Variants in OTOA observed in about 807,000 individuals in gnomAD.
OTOA encodes cancer/testis antigen 108.
In OTOA, 70 loss-of-function variants were observed where a neutral mutation model predicts 110.8. That is an observed-to-expected ratio of 0.63 (90% CI 0.52 to 0.77). OTOA has a LOEUF of 0.77. OTOA is among the 30% of genes least tolerant of loss of function. OTOA has a pLI of 0.00. For missense variants in OTOA, 917 were observed against 1,075.8 expected, an observed-to-expected ratio of 0.85 and a Z score of 2.06; for synonymous variants, 373 against 431.5, an observed-to-expected ratio of 0.86 and a Z score of 1.68.
At position 21,716,840 on chromosome 16, in the gene OTOA, C is replaced by T. The variant is rs148128916; in HGVS notation, c.1489-67C>T. 1.5e-5 allele frequency: 24 copies of T among 1,591,404 alleles called. No homozygotes were observed. The African/African-American group carries it at 1.9e-4, about 12-fold the overall frequency. On this transcript the variant is annotated intron_variant, in intron 14 of 28. Transcript: ENST00000646100. ...GGATTTTATTGCCTGTGATGTAGTG[C>T]CTGGCCCTTCCTCAAAGCTCAATGC...
At chr16:21,700,703 C>T (rs8050869) in intron 10 of OTOA, among the ~76,000 whole-genome samples, 185 bp from the exon 11 acceptor site, 6 of 131,028 alleles carry the variant, frequency 4.6e-5, no homozygotes, top group African/African-American at 5.9e-5. Context: ...CCAGCCTGGG[C>T]GACAGAGTGA....
At position 21,683,099 on chromosome 16, in the gene OTOA, G is replaced by T. The variant is rs141603664; in HGVS notation, c.267+1274G>T. ...TTTAATATCTACTGAGTTAACATCT[G>T]CTTTCTGCCAGGCATAGCTCTAGAC... On this transcript the variant is annotated intron_variant, in intron 6 of 28. Transcript: ENST00000646100. Among the ~76,000 whole-genome samples, 7 of 152,248 alleles carry T rather than the reference G, an allele frequency of 4.6e-5. No individual in the cohort carries two copies. The South Asian group carries it at 1.2e-3, about 27-fold the overall frequency.
rs141242505 is a variant in OTOA, at chr16:21,736,380, C to T, written c.2421C>T (p.Asp807=). 4 of 1,614,044 alleles carry T rather than the reference C, an allele frequency of 2.5e-6. No individual in the cohort carries two copies. Among genetic ancestry groups the T allele is most frequent in the East Asian group, 4.5e-5 (2 of 44,898 alleles). Residue 807 remains aspartate (D), a synonymous_variant, in exon 22 of 29, where the codon GAC becomes GAT. Transcript: ENST00000646100. ...GCAGTGATAAGATCCCCAGCTATGACCCTATGCCTGGTGAGTGTTTTCAGG... is the reference window on the plus strand; with the variant it reads ...GCAGTGATAAGATCCCCAGCTATGATCCTATGCCTGGTGAGTGTTTTCAGG... The part of the protein sequence containing the change: ...RNSSDKIPSY[D]PMPGCHGVVA...
intron 24 of OTOA, among the ~76,000 whole-genome samples, chr16:21,751,517 C>T (rs1018866521): frequency 8.1e-5 from 7 of 86,446 alleles, no homozygotes; most frequent in African/African-American, 2.0e-4. Flanking sequence ...AAGACTCCGT[C>T]TCCAAAAAAC....
chr16:21,728,962 C>T (rs577368874), intron 20 of OTOA, among the ~76,000 whole-genome samples: 1 of 152,194 alleles, frequency 6.6e-6, no homozygotes, highest in South Asian at 2.1e-4. Flanking sequence ...TCTTACACAG[C>T]TTGGCATATG....
At chr16:21,669,347 C>G (rs1263592723) in intron 1 of OTOA, among the ~76,000 whole-genome samples, 1 of 151,598 alleles carries the variant, frequency 6.6e-6, no homozygotes, top group Non-Finnish European at 1.5e-5. Flanking sequence ...TGTCCCCCAC[C>G]CCAAAAAAAC....
At chr16:21,672,974 C>G (rs1966851331) in intron 1 of OTOA, among the ~76,000 whole-genome samples, 1 of 152,028 alleles carries the variant, frequency 6.6e-6, no homozygotes, top group African/African-American at 2.4e-5. Context: ...ATAGCAAGAA[C>G]CCATTTCTAC....
chr16:21,708,314 G>C (rs1011216957), intron 12 of OTOA, among the ~76,000 whole-genome samples: 2 of 152,104 alleles, frequency 1.3e-5, no homozygotes, highest in Non-Finnish European at 2.9e-5. Flanking sequence ...TTTGCTCTTA[G>C]GAGAATCTAA....
chr16:21,694,397 G>A (rs1439856716), intron 9 of OTOA, among the ~76,000 whole-genome samples: 1 of 152,080 alleles, frequency 6.6e-6, no homozygotes, highest in Non-Finnish European at 1.5e-5. Context: ...GAGCCGTGAT[G>A]GAGCCACTGG....
chr16:21,725,432 G>T (rs1194018055), intron 18 of OTOA, among the ~76,000 whole-genome samples: 1 of 152,050 alleles, frequency 6.6e-6, no homozygotes, highest in African/African-American at 2.4e-5. Context: ...CCCCAGGTGT[G>T]CATGCCACCA....
intron 18 of OTOA, among the ~76,000 whole-genome samples, chr16:21,723,458 A>AT (rs1317722213): frequency 1.3e-5 from 2 of 150,332 alleles, no homozygotes; most frequent in Admixed American, 6.6e-5. Flanking sequence ...AAAAAAAAAA[A>AT]GTTCATTGAG....
At chr16:21,701,188 A>G in intron 11 of OTOA, 161 bp downstream of exon 11, 2 of 1,040,554 alleles carry the variant, frequency 1.9e-6, no homozygotes, top group Non-Finnish European at 2.9e-6. Flanking sequence ...AGGTGTCTGC[A>G]ACTTTTTTTA....
At chr16:21,697,025 G>T (rs1288136054) in intron 9 of OTOA, among the ~76,000 whole-genome samples, 1 of 143,866 alleles carries the variant, frequency 7.0e-6, no homozygotes, top group Non-Finnish European at 1.5e-5. Context: ...GAGTAGCTGG[G>T]ACTACAGCTG....
At chr16:21,689,861 T>C (rs766384542) in intron 8 of OTOA, among the ~76,000 whole-genome samples, 18 of 152,010 alleles carry the variant, frequency 1.2e-4, no homozygotes, top group Non-Finnish European at 2.5e-4. Flanking sequence ...ACTTTTTGTA[T>C]TTTTAGTAGA....
chr16:21,728,184 G>A, intron 19 of OTOA, 57 bp from the exon 20 acceptor site: 2 of 1,606,454 alleles, frequency 1.2e-6, no homozygotes, highest in Admixed American at 3.3e-5. Flanking sequence ...TGTTTCTAAT[G>A]GCTCACGATC....
At position 21,726,179 on chromosome 16, in the gene OTOA, A is replaced by C. The variant is rs187242137; in HGVS notation, c.1881-344A>C. 2.6e-5 allele frequency among the ~76,000 whole-genome samples: 4 copies of C among 152,266 alleles called. 1 individual carries two copies. The highest frequency in any genetic ancestry group is 9.6e-5 in the African/African-American group (4 of 41,546). ...ATTTACGAGAACCCATTCTCTGATCAATGCTCTGGGGCATAGAAGAGGAGC... is the reference window on the plus strand; with the variant it reads ...ATTTACGAGAACCCATTCTCTGATCCATGCTCTGGGGCATAGAAGAGGAGC... On this transcript the variant is annotated intron_variant, in intron 18 of 28. Coordinates refer to ENST00000646100, the MANE Select transcript of OTOA (RefSeq NM_144672.4).
chr16:21,719,356 C>T (rs1310085641), intron 16 of OTOA, 31 bp from the exon 17 acceptor site: 3 of 1,603,000 alleles, frequency 1.9e-6, no homozygotes, highest in East Asian at 2.2e-5. Flanking sequence ...TCACTTCCTT[C>T]CTCTCCCGAG....
chr16:21,685,181 GC>G (rs1436033463), intron 6 of OTOA, 48 bp from the exon 7 acceptor site: 1 of 1,604,852 alleles, frequency 6.2e-7, no homozygotes, highest in Non-Finnish European at 8.5e-7. Flanking sequence ...CTGACCATGT[GC>G]TCCTGCTCTT....
chr16:21,675,631 T>C (rs1966856310), intron 1 of OTOA, among the ~76,000 whole-genome samples: 1 of 152,160 alleles, frequency 6.6e-6, no homozygotes, highest in South Asian at 2.1e-4. Context: ...TAATTTTTCT[T>C]CTGCAGTGTC....
Sources: gnomAD v4.1 joint callset for allele counts (sites outside exome capture counted in the v4.1 genomes callset) on GRCh38, gnomAD v4.1.1 for gene constraint, MANE v1.5 for transcripts, NCBI Gene and HGNC (gene_info 2026-07-23, HGNC 2026-07-21) for gene names.